The following RANBP10 variants were observed in gnomAD, a reference collection of about 807,000 sequenced individuals.
The protein encoded by RANBP10 is RAN binding protein 10.
In RANBP10, 24 loss-of-function variants were observed where a neutral mutation model predicts 72.8. The observed-to-expected ratio is 0.33, with a 90% CI of 0.24 to 0.46. The LOEUF is 0.46. Ranked by LOEUF, RANBP10 falls within the 20% of genes least tolerant of loss-of-function variation. The pLI is 1.00. For missense variants in RANBP10, 679 were observed against 817.5 expected, an observed-to-expected ratio of 0.83 and a Z score of 2.07; for synonymous variants, 310 against 322.3, an observed-to-expected ratio of 0.96 and a Z score of 0.41.
rs768960411 is a variant in RANBP10, at chr16:67,769,443, C to CAAAAAAAAAAAAAA, written c.400+2577_400+2590dup. 1.2e-3 allele frequency among the ~76,000 whole-genome samples: 36 copies of CAAAAAAAAAAAAAA among 30,296 alleles called. 8 individuals carry two copies. Among genetic ancestry groups the CAAAAAAAAAAAAAA allele is most frequent in the East Asian group, 5.5e-3 (4 of 722 alleles). 19.9% of individuals were successfully genotyped at this position (30,296 alleles called of 152,430 possible). On this transcript the variant is annotated intron_variant, in intron 3 of 13. Coordinates refer to ENST00000317506, the MANE Select transcript of RANBP10 (RefSeq NM_020850.3). The stretch of plus-strand genomic sequence containing the variant: ...TGGGAAACGAAGCAAGACCCTGTCT[C>CAAAAAAAAAAAAAA]AAAAAAAAAAAAAAAAAAAGTGCTG...
chr16:67,788,173 G>A (rs2054950888), intron 2 of RANBP10, among the ~76,000 whole-genome samples: 1 of 151,876 alleles, frequency 6.6e-6, no homozygotes, highest in Non-Finnish European at 1.5e-5. Flanking sequence ...TCAAGTAGCT[G>A]GAACTTTGAT....
chr16:67,766,129 C>T (rs1387444568), intron 3 of RANBP10, among the ~76,000 whole-genome samples: 4 of 152,174 alleles, frequency 2.6e-5, no homozygotes, highest in African/African-American at 7.2e-5. Flanking sequence ...TGCATCTCAA[C>T]GAAGAGCCTC....
At chr16:67,746,662 G>T (rs569880006) in intron 3 of RANBP10, among the ~76,000 whole-genome samples, 1 of 152,266 alleles carries the variant, frequency 6.6e-6, no homozygotes, top group East Asian at 1.9e-4. Flanking sequence ...TCCAAAAAAA[G>T]TTCCCTCAGG....
Position 67,726,139 on chromosome 16 carries a change from C to G in RANBP10, c.*289G>C, listed in dbSNP as rs1484076790. ...GAGAAAAAAATTTAAAAACCCCAAC[C>G]CCTCCTCAAAACAAAACCCCCCTTT... On this transcript the variant is annotated 3_prime_UTR_variant, in exon 14 of 14. Transcript: ENST00000317506. The G allele has an allele frequency of 3.5e-5, 12 of 347,436 alleles. No individual in the cohort carries two copies. The highest frequency in any genetic ancestry group is 6.5e-5 in the Non-Finnish European group (12 of 183,540). The allele number at this position is 347,436 out of a possible 1,614,324, so 21.5% of individuals were successfully genotyped here. A position where few individuals can be genotyped will look rare whatever the true frequency, so the allele number is the denominator to read the frequency against.
chr16:67,780,300 G>A (rs558725453), intron 2 of RANBP10, among the ~76,000 whole-genome samples: 2 of 152,250 alleles, frequency 1.3e-5, no homozygotes, highest in Admixed American at 6.5e-5. Flanking sequence ...AAGCAGCCAC[G>A]TGGTTGGGGA....
intron 5 of RANBP10, among the ~76,000 whole-genome samples, chr16:67,736,865 G>A (rs951622057): frequency 6.6e-6 from 1 of 152,204 alleles, no homozygotes; most frequent in Non-Finnish European, 1.5e-5. Flanking sequence ...GGGTGCTATG[G>A]TCTGGGCTTC....
chr16:67,729,215 A>T lies in RANBP10; in HGVS notation c.1352+65T>A. On this transcript the variant is annotated intron_variant, in intron 10 of 13. Transcript: ENST00000317506. The surrounding 1 kb of genome is among the most constrained non-coding windows in gnomAD (Gnocchi z 7.1). ...GTGAAGGGCAGGGCGCTCAAAGGAC[A>T]GACTGCAATGGGCCCAGCTGGCATA... 6.3e-7 allele frequency: 1 copy of T among 1,581,534 alleles called. No individual in the cohort carries two copies. Among genetic ancestry groups the T allele is most frequent in the South Asian group, 1.2e-5 (1 of 85,664 alleles).
intron 2 of RANBP10, among the ~76,000 whole-genome samples, chr16:67,778,807 G>A (rs964821272): frequency 1.1e-4 from 17 of 152,292 alleles, no homozygotes; most frequent in African/African-American, 4.1e-4. Flanking sequence ...CAAAACTACA[G>A]TGAGGGCAGG....
Position 67,725,311 on chromosome 16 carries a change from C to T in RANBP10, c.*1117G>A, listed in dbSNP as rs1005095609. On this transcript the variant is annotated 3_prime_UTR_variant, in exon 14 of 14. Coordinates refer to ENST00000317506, the MANE Select transcript of RANBP10 (RefSeq NM_020850.3). ...CCTCCACAAGGTACTGGTTTCTCAA[C>T]AGAAAGCATCCATTCTCTCAGAGCT... The T allele has an allele frequency of 6.6e-6, 1 of 152,418 alleles. No individual in the cohort carries two copies. The highest frequency in any genetic ancestry group is 2.1e-4 in the South Asian group (1 of 4,834). The allele number at this position is 152,418 out of a possible 1,614,324, so 9.4% of individuals were successfully genotyped here.
At position 67,772,513 on chromosome 16, in the gene RANBP10, G is replaced by C. The variant is rs146452995; in HGVS notation, c.348-427C>G. Among the ~76,000 whole-genome samples, 320 of 152,254 alleles carry C rather than the reference G, an allele frequency of 2.1e-3. 2 individuals carry two copies. The highest frequency in any genetic ancestry group is 7.3e-3 in the African/African-American group (305 of 41,566). On this transcript the variant is annotated intron_variant, in intron 2 of 13. Transcript: ENST00000317506. ...AGAACCCAGTCTGCACCAAAGACCA[G>C]GACATGGTAAAGCCAAGTTGGATCT...
chr16:67,770,293 T>C (rs555506764), intron 3 of RANBP10, among the ~76,000 whole-genome samples: 4 of 151,972 alleles, frequency 2.6e-5, no homozygotes, highest in Non-Finnish European at 5.9e-5. Flanking sequence ...CCACACAGTA[T>C]GCAAAGAAAA....
chr16:67,744,669 T>A (rs2054034853), intron 3 of RANBP10, among the ~76,000 whole-genome samples: 1 of 152,102 alleles, frequency 6.6e-6, no homozygotes, highest in South Asian at 2.1e-4. Flanking sequence ...AGAGGAATGA[T>A]CCCATGCTGC....
rs541822481 is a variant in RANBP10 at position 67,750,829 on chromosome 16, C to T, written c.401-6374G>A. ...TTGCCCAGGCTGGAGTGCAGCGGCG[C>T]AATCTCGGCTCACTGCAAGCTCCGC... On this transcript the variant is annotated intron_variant, in intron 3 of 13. Coordinates refer to ENST00000317506, the MANE Select transcript of RANBP10 (RefSeq NM_020850.3). Among the ~76,000 whole-genome samples the T allele has an allele frequency of 2.5e-4, 37 of 147,282 alleles. No individual in the cohort carries two copies. In the East Asian group the frequency reaches 6.4e-3, roughly 25 times the overall value.
chr16:67,769,854 G>T (rs1166808495), intron 3 of RANBP10, among the ~76,000 whole-genome samples: 1 of 148,790 alleles, frequency 6.7e-6, no homozygotes, highest in Non-Finnish European at 1.5e-5. Flanking sequence ...CTGCTTGAAC[G>T]CAGCAGCTTG....
intron 3 of RANBP10, among the ~76,000 whole-genome samples, chr16:67,765,232 TA>T (rs1356988911): frequency 8.4e-6 from 1 of 118,440 alleles, no homozygotes; most frequent in Non-Finnish European, 1.8e-5. Flanking sequence ...AAAAAAACAT[TA>T]AAAAATAAAT....
At position 67,765,864 on chromosome 16, in the gene RANBP10, TAA is replaced by T. The variant is rs927101611; in HGVS notation, c.400+6168_400+6169del. On this transcript the variant is annotated intron_variant, in intron 3 of 13. Coordinates refer to ENST00000317506, the MANE Select transcript of RANBP10 (RefSeq NM_020850.3). ...AAATAAATTATAATAAATAAATAAA[TAA>T]GTCAGACATGGTGGCATGTGCCTGT... 7.3e-4 allele frequency among the ~76,000 whole-genome samples: 111 copies of T among 151,440 alleles called. 1 individual carries two copies. Among genetic ancestry groups the T allele is most frequent in the African/African-American group, 2.7e-3 (110 of 41,142 alleles).
intron 2 of RANBP10, among the ~76,000 whole-genome samples, chr16:67,779,871 A>G (rs965246904): frequency 3.9e-5 from 6 of 152,136 alleles, no homozygotes; most frequent in African/African-American, 1.4e-4. Context: ...TTCCCTCAGG[A>G]AGTGAAGGCT....
chr16:67,745,874 T>C (rs1303540478), intron 3 of RANBP10, among the ~76,000 whole-genome samples: 2 of 151,628 alleles, frequency 1.3e-5, no homozygotes, highest in African/African-American at 4.8e-5. Flanking sequence ...TTTAAAAAAC[T>C]GTCCAGGTGC....
At chr16:67,771,596 C>T (rs991339384) in intron 3 of RANBP10, among the ~76,000 whole-genome samples, 7 of 152,276 alleles carry the variant, frequency 4.6e-5, no homozygotes, top group African/African-American at 1.7e-4. Context: ...CCATCCACCT[C>T]GGCCTCCCAA....
Sources: allele counts gnomAD v4.1 joint callset (sites outside exome capture counted in the v4.1 genomes callset), GRCh38; gene constraint gnomAD v4.1.1; non-coding constraint Gnocchi (gnomAD v3.1); transcripts MANE v1.5; gene names NCBI Gene and HGNC (gene_info 2026-07-23, HGNC 2026-07-21).